Variants in DPP10 observed in about 807,000 individuals in gnomAD.
The protein encoded by DPP10 is inactive dipeptidyl peptidase 10.
DPP10 carries 33 observed loss-of-function variants against 120.9 expected under a neutral mutation model. The ratio of observed to expected loss-of-function variants is 0.27; its 90% CI spans 0.21 to 0.37. DPP10 has a LOEUF of 0.37. Ranked by LOEUF, DPP10 falls within the 10% of genes least tolerant of loss-of-function variation. The probability of loss-of-function intolerance (pLI) is 1.00; values close to 1 mark genes in which losing one functional copy is unlikely to be tolerated. For missense variants in DPP10, 816 were observed against 942.8 expected (o/e 0.87, Z 1.76); for synonymous variants, 337 against 326.1 (o/e 1.03, Z -0.36).
At position 114,920,408 on chromosome 2, in the gene DPP10, G is replaced by A. The variant is rs532419430; in HGVS notation, c.61-388831G>A. ...CCTGACAGCACCCTACTTTGGTCAT[G>A]TCCTCTCCCATCTCCATACGTGCTA... is the stretch of plus-strand genomic sequence containing the variant. On this transcript the variant is annotated intron_variant, in intron 1 of 25. Transcript: ENST00000410059. Among the ~76,000 whole-genome samples the A allele has an allele frequency of 6.6e-5, 10 of 152,238 alleles. No individual in the cohort carries two copies. In the South Asian group the frequency reaches 1.9e-3, roughly 28 times the overall value.
intron 1 of DPP10, among the ~76,000 whole-genome samples, chr2:115,036,606 G>A (rs1337031912): frequency 2.6e-5 from 4 of 152,068 alleles, no homozygotes; most frequent in Admixed American, 2.6e-4. Flanking sequence ...TTTCACACTG[G>A]CAGCTAAACA....
At chr2:114,809,471 C>T (rs1026242291) in intron 1 of DPP10, among the ~76,000 whole-genome samples, 13 of 152,172 alleles carry the variant, frequency 8.5e-5, no homozygotes, top group Admixed American at 3.9e-4. Context: ...TAAAAGTAGT[C>T]GATGCTGGAA....
intron 1 of DPP10, among the ~76,000 whole-genome samples, chr2:114,615,610 A>T (rs1436493613): frequency 6.6e-6 from 1 of 152,142 alleles, no homozygotes; most frequent in East Asian, 1.9e-4. Context: ...ACAGAACAGG[A>T]ACCAAGAGTA....
At chr2:115,563,583 G>A (rs540351455) in intron 5 of DPP10, among the ~76,000 whole-genome samples, 140 of 152,190 alleles carry the variant, frequency 9.2e-4, no homozygotes, top group African/African-American at 3.3e-3. Context: ...TGCTTGTGTA[G>A]CATTGTAAAA....
At chr2:115,407,884 GT>G (rs2068643957) in intron 3 of DPP10, among the ~76,000 whole-genome samples, 2 of 151,004 alleles carry the variant, frequency 1.3e-5, no homozygotes, top group African/African-American at 4.9e-5. Flanking sequence ...AAAAAAAGTA[GT>G]CATTTTTTTT....
intron 1 of DPP10, among the ~76,000 whole-genome samples, chr2:114,698,862 G>A (rs187511231): frequency 6.6e-6 from 1 of 152,254 alleles, no homozygotes; most frequent in African/African-American, 2.4e-5. Context: ...TATGAATACT[G>A]TCTGTATAGT....
intron 1 of DPP10, among the ~76,000 whole-genome samples, chr2:115,260,680 A>G (rs915006152): frequency 8.5e-5 from 13 of 152,338 alleles, no homozygotes; most frequent in Non-Finnish European, 1.6e-4. Flanking sequence ...TAAAATGGCA[A>G]AAGCAAAGGG....
intron 1 of DPP10, among the ~76,000 whole-genome samples, chr2:115,001,060 C>A (rs1701406905): frequency 6.6e-6 from 1 of 152,136 alleles, no homozygotes; most frequent in African/African-American, 2.4e-5. Context: ...ACTTTGAGAA[C>A]CATTAACTTG....
At chr2:115,446,315 G>A (rs2072581878) in intron 3 of DPP10, among the ~76,000 whole-genome samples, 1 of 152,216 alleles carries the variant, frequency 6.6e-6, no homozygotes, top group South Asian at 2.1e-4. Context: ...AATGTGGAAG[G>A]GAAATGTGGA....
chr2:115,329,771 C>G (rs1027346131), intron 2 of DPP10, among the ~76,000 whole-genome samples: 4 of 151,988 alleles, frequency 2.6e-5, no homozygotes, highest in African/African-American at 9.7e-5. Flanking sequence ...TGAACTCATC[C>G]TTTTTTATGG....
intron 1 of DPP10, among the ~76,000 whole-genome samples, chr2:114,530,820 G>A (rs1243925304): frequency 6.6e-6 from 1 of 152,038 alleles, no homozygotes; most frequent in Non-Finnish European, 1.5e-5. Context: ...TATTATTTTG[G>A]AACATCAAGT....
intron 3 of DPP10, among the ~76,000 whole-genome samples, chr2:115,347,668 T>A (rs566381077): frequency 1.6e-4 from 24 of 152,120 alleles, no homozygotes; most frequent in African/African-American, 5.8e-4. Flanking sequence ...GTGTGTGATA[T>A]TCCCCTCCCT....
chr2:115,664,979 G>C (rs564285181), intron 5 of DPP10, among the ~76,000 whole-genome samples: 2 of 152,136 alleles, frequency 1.3e-5, no homozygotes, highest in Non-Finnish European at 2.9e-5. Context: ...CTATGGCTAC[G>C]ATATAGGGCA....
intron 1 of DPP10, among the ~76,000 whole-genome samples, chr2:114,645,776 G>A (rs187407891): frequency 1.8e-4 from 28 of 152,118 alleles, no homozygotes; most frequent in Admixed American, 1.3e-3. Flanking sequence ...CCCTTTCCAG[G>A]GCCCTAAATA....
rs535291921 is a variant in DPP10, at chr2:115,193,832, C to T, written c.61-115407C>T. On this transcript the variant is annotated intron_variant, in intron 1 of 25. Transcript: ENST00000410059. Reference sequence around the variant, plus strand: ...ATTGTGTCTTTTTCCCTCAATCACCCGGGAGGAACCATCTATAAATAAGTG... The same window carrying T: ...ATTGTGTCTTTTTCCCTCAATCACCTGGGAGGAACCATCTATAAATAAGTG... Among the ~76,000 whole-genome samples the T allele has an allele frequency of 1.6e-4, 24 of 152,198 alleles. No homozygotes were observed. The South Asian group carries it at 1.7e-3, about 11-fold the overall frequency.
At chr2:115,266,689 T>A (rs774908199) in intron 1 of DPP10, among the ~76,000 whole-genome samples, 6 of 152,130 alleles carry the variant, frequency 3.9e-5, no homozygotes, top group Non-Finnish European at 5.9e-5. Flanking sequence ...GTATTAAGCT[T>A]TTTGAGGACA....
intron 1 of DPP10, among the ~76,000 whole-genome samples, chr2:114,853,602 G>T (rs193285190): frequency 4.6e-5 from 7 of 152,298 alleles, no homozygotes; most frequent in Admixed American, 4.6e-4. Context: ...CTCTACTTAA[G>T]TGGGGGCTGC....
chr2:115,318,789 C>A (rs1035107270), intron 2 of DPP10, among the ~76,000 whole-genome samples: 2 of 152,104 alleles, frequency 1.3e-5, no homozygotes, highest in Non-Finnish European at 2.9e-5. Flanking sequence ...TTGAAATCAT[C>A]TATTAGCTTT....
At chr2:115,450,406 G>A (rs557846300) in intron 3 of DPP10, among the ~76,000 whole-genome samples, 13 of 152,112 alleles carry the variant, frequency 8.5e-5, no homozygotes, top group Non-Finnish European at 1.3e-4. Context: ...ATCTGTATAT[G>A]ACACTTACCT....
Sources: gnomAD v4.1 joint callset for allele counts (sites outside exome capture counted in the v4.1 genomes callset) on GRCh38, gnomAD v4.1.1 for gene constraint, MANE v1.5 for transcripts, NCBI Gene and HGNC (gene_info 2026-07-23, HGNC 2026-07-21) for gene names.